ZMYM2: variants seen among roughly 807,000 people sequenced by gnomAD.
ZMYM2 encodes zinc finger MYM-type containing 2, also known as zinc finger MYM-type protein 2.
ZMYM2 carries 56 observed loss-of-function variants against 162.8 expected under a neutral mutation model. The observed-to-expected ratio is 0.34, with a 90% CI of 0.28 to 0.43. The LOEUF (loss-of-function observed/expected upper bound fraction) is 0.43. Among genes scored for constraint, ZMYM2 ranks in the 20% least tolerant of loss-of-function variants. The pLI, the probability that ZMYM2 is intolerant of heterozygous loss-of-function variation, is 1.00. For synonymous variants in ZMYM2, 510 were observed against 541.6 expected, an observed-to-expected ratio of 0.94 and a Z score of 0.81; for missense variants, 1,275 against 1,621.8, an observed-to-expected ratio of 0.79 and a Z score of 3.67.
chr13:20,005,977 A>T (rs1404976054), intron 5 of ZMYM2, among the ~76,000 whole-genome samples: 1 of 152,164 alleles, frequency 6.6e-6, no homozygotes, highest in East Asian at 1.9e-4. Context: ...CACCTATATA[A>T]TCCTAGCACT....
intron 14 of ZMYM2, 74 bp from the exon 15 acceptor site, chr13:20,058,501 A>T: frequency 6.6e-7 from 1 of 1,521,428 alleles, no homozygotes; most frequent in Non-Finnish European, 8.8e-7. Context: ...TAGGACTGAA[A>T]ATCCTTCATT....
intron 10 of ZMYM2, among the ~76,000 whole-genome samples, chr13:20,031,655 G>T (rs371464411): frequency 5.3e-5 from 8 of 151,922 alleles, no homozygotes; most frequent in East Asian, 3.9e-4. Flanking sequence ...TCATATTCCT[G>T]ATATATTGTA....
chr13:20,019,716 A>G, intron 7 of ZMYM2, 98 bp downstream of exon 7: 3 of 1,105,060 alleles, frequency 2.7e-6, no homozygotes, highest in South Asian at 1.5e-5. Flanking sequence ...CCAATTTGAA[A>G]TATATTAAAA....
the ZMYM2 span, among the ~76,000 whole-genome samples, chr13:19,909,010 T>G: frequency 6.6e-6 from 1 of 152,334 alleles, no homozygotes; most frequent in Non-Finnish European, 1.5e-5. Flanking sequence ...TACTTTACTA[T>G]TATCCCAGAC....
intron 3 of ZMYM2, among the ~76,000 whole-genome samples, chr13:19,997,181 C>T: frequency 6.6e-6 from 1 of 152,200 alleles, no homozygotes. Context: ...TGCATTTTCT[C>T]ATACCATTAA....
chr13:20,064,801 GTAA>G (rs1956548330), intron 19 of ZMYM2, among the ~76,000 whole-genome samples: 1 of 143,954 alleles, frequency 6.9e-6, no homozygotes, highest in Non-Finnish European at 1.6e-5. Flanking sequence ...TTTATTTCTA[GTAA>G]TAATTTATTA....
rs759324034 is a variant in ZMYM2 at position 20,083,823 on chromosome 13, G to T, written c.3941+47G>T. On this transcript the variant is annotated intron_variant, in intron 24 of 24. Coordinates refer to ENST00000610343, the MANE Select transcript of ZMYM2 (RefSeq NM_197968.4). ...CTTTTAAAAATGTTGGTAGAAGTTG[G>T]CTGGTTTAAATTTAACATTACCAAG... 7 of 1,567,154 alleles carry T rather than the reference G, an allele frequency of 4.5e-6. No individual in the cohort carries two copies. The East Asian group carries it at 6.8e-5, about 15-fold the overall frequency.
rs370990431 is a variant in ZMYM2 at position 20,058,426 on chromosome 13, T to G, written c.2494-149T>G. On this transcript the variant is annotated intron_variant, in intron 14 of 24. Coordinates refer to ENST00000610343, the MANE Select transcript of ZMYM2 (RefSeq NM_197968.4). Reference sequence around the variant, plus strand: ...CATATTGATCCTTATAGATTAAGAGTATGGTGAACATAGGGATAATAGCAT... The same window carrying G: ...CATATTGATCCTTATAGATTAAGAGGATGGTGAACATAGGGATAATAGCAT... 222 of 853,442 alleles carry G rather than the reference T, an allele frequency of 2.6e-4. No homozygotes were observed. The African/African-American group carries it at 3.0e-3, about 12-fold the overall frequency. 52.9% of individuals were successfully genotyped at this position (853,442 alleles called of 1,614,324 possible). A position where few individuals can be genotyped will look rare whatever the true frequency, so the allele number is the denominator to read the frequency against.
At chr13:19,895,811 T>C in the ZMYM2 span, among the ~76,000 whole-genome samples, 2 of 151,808 alleles carry the variant, frequency 1.3e-5, no homozygotes, top group Non-Finnish European at 2.9e-5. Context: ...GGTATTTTTA[T>C]AGTCATGTTT....
chr13:19,888,615 T>C, the ZMYM2 span, among the ~76,000 whole-genome samples: 1 of 151,958 alleles, frequency 6.6e-6, no homozygotes, highest in East Asian at 1.9e-4. Context: ...TTATTTATTT[T>C]TGGGACAGAG....
the ZMYM2 span, among the ~76,000 whole-genome samples, chr13:19,882,021 A>T: frequency 6.6e-6 from 1 of 151,976 alleles, no homozygotes; most frequent in South Asian, 2.1e-4. Context: ...TTTTTACCAA[A>T]ATTATATATA....
chr13:19,956,121 G>T (rs932062777), upstream of ZMYM2, among the ~76,000 whole-genome samples: 1 of 152,152 alleles, frequency 6.6e-6, no homozygotes, highest in African/African-American at 2.4e-5. Context: ...AAAAAACCTC[G>T]TAACTTTTAG....
the ZMYM2 span, among the ~76,000 whole-genome samples, chr13:19,885,666 C>T: frequency 1.3e-5 from 2 of 151,588 alleles, no homozygotes; most frequent in Admixed American, 6.6e-5. Flanking sequence ...ATGGTGAAAC[C>T]CCTCTCTACT....
At chr13:19,896,044 T>A in the ZMYM2 span, among the ~76,000 whole-genome samples, 1 of 150,730 alleles carries the variant, frequency 6.6e-6, no homozygotes, top group Non-Finnish European at 1.5e-5. Context: ...TTTTTTTTTT[T>A]GAGAGAGTCT....
upstream of ZMYM2, among the ~76,000 whole-genome samples, chr13:19,953,818 T>C (rs567108710): frequency 4.3e-4 from 65 of 152,182 alleles, no homozygotes; most frequent in African/African-American, 1.4e-3. Context: ...CAGAGTAATA[T>C]TTTTCAAACC....
chr13:20,075,576 A>G (rs756909023), intron 21 of ZMYM2, among the ~76,000 whole-genome samples: 10 of 151,948 alleles, frequency 6.6e-5, no homozygotes, highest in Non-Finnish European at 1.3e-4. Flanking sequence ...GATAACCATC[A>G]TTAACATTTC....
At position 20,038,065 on chromosome 13, in the gene ZMYM2, G is replaced by T. The variant is rs145915748; in HGVS notation, c.2292+1156G>T. The stretch of plus-strand genomic sequence containing the variant: ...GCAGTATTTGCTTTTCTTTTCCTGT[G>T]TTAGTTTGCTAAGGATAATGGCCTC... On this transcript the variant is annotated intron_variant, in intron 12 of 24. Transcript: ENST00000610343. 7.6e-3 allele frequency among the ~76,000 whole-genome samples: 1,163 copies of T among 152,210 alleles called. 7 individuals carry two copies. The highest frequency in any genetic ancestry group is 0.013 in the Non-Finnish European group (875 of 68,002).
intron 21 of ZMYM2, among the ~76,000 whole-genome samples, chr13:20,075,871 C>T (rs1014893928): frequency 6.6e-6 from 1 of 151,380 alleles, no homozygotes; most frequent in East Asian, 1.9e-4. Flanking sequence ...TTTTCCCCCC[C>T]ATCCCGTAGA....
chr13:20,065,378 A>T (rs1434819792), intron 19 of ZMYM2, among the ~76,000 whole-genome samples: 1 of 152,184 alleles, frequency 6.6e-6, no homozygotes, highest in East Asian at 1.9e-4. Context: ...CTAAATCTTA[A>T]TGGCCTTATG....
Sources: allele counts gnomAD v4.1 joint callset (sites outside exome capture counted in the v4.1 genomes callset), GRCh38; gene constraint gnomAD v4.1.1; transcripts MANE v1.5; gene names NCBI Gene and HGNC (gene_info 2026-07-23, HGNC 2026-07-21).